Variants in SEMA3D observed in about 807,000 individuals in gnomAD.
SEMA3D encodes the protein semaphorin 3D, also known as semaphorin-3D.
In SEMA3D, 84 loss-of-function variants were observed where a neutral mutation model predicts 100.1. The ratio of observed to expected loss-of-function variants is 0.84; its 90% CI spans 0.70 to 1.01. The LOEUF (loss-of-function observed/expected upper bound fraction) is 1.01. Among genes scored for constraint, SEMA3D ranks in the 50% least tolerant of loss-of-function variants. The probability of loss-of-function intolerance (pLI) is 0.00; values close to 1 mark genes in which losing one functional copy is unlikely to be tolerated. For synonymous variants in SEMA3D, 312 were observed against 320.7 expected (o/e 0.97, Z 0.29); for missense variants, 875 against 934.1 (o/e 0.94, Z 0.82).
At chr7:85,114,098 T>C (rs1789171010) in intron 3 of SEMA3D, among the ~76,000 whole-genome samples, 2 of 152,164 alleles carry the variant, frequency 1.3e-5, no homozygotes, top group South Asian at 2.1e-4. Flanking sequence ...AGTCAATAAG[T>C]TGTCATGAGA....
rs1252904490 is a variant in SEMA3D, at chr7:85,017,226, C to T, written c.1545+1026G>A. ...CCTTCATAATTCAAGCTGTATGTCT[C>T]TTCTTTCAGTTATCTTTCCCTGTTC... On this transcript the variant is annotated intron_variant, in intron 15 of 18. Coordinates refer to ENST00000284136, the MANE Select transcript of SEMA3D (RefSeq NM_001384900.1). Among the ~76,000 whole-genome samples the T allele has an allele frequency of 4.0e-5, 6 of 151,848 alleles. No individual in the cohort carries two copies. The East Asian group carries it at 1.2e-3, about 30-fold the overall frequency.
chr7:85,184,289 C>A (rs1791480065), intron 1 of SEMA3D, among the ~76,000 whole-genome samples: 1 of 152,124 alleles, frequency 6.6e-6, no homozygotes, highest in South Asian at 2.1e-4. Flanking sequence ...TAAAACAGTT[C>A]GTATCTCAGT....
chr7:85,068,330 C>T (rs1434478838), intron 6 of SEMA3D, 46 bp from the exon 7 acceptor site: 2 of 1,024,724 alleles, frequency 2.0e-6, no homozygotes, highest in Non-Finnish European at 3.1e-6. Context: ...AAAAATATTA[C>T]AAACAGTAAG....
chr7:85,147,486 T>C (rs1451111097), intron 2 of SEMA3D, among the ~76,000 whole-genome samples: 5 of 152,218 alleles, frequency 3.3e-5, no homozygotes, highest in Admixed American at 2.6e-4. Flanking sequence ...TTTCTAACTA[T>C]CTGTAAATAT....
intron 15 of SEMA3D, 88 bp from the exon 16 acceptor site, chr7:85,015,304 T>C (rs1351913786): frequency 1.0e-5 from 13 of 1,264,132 alleles, no homozygotes; most frequent in Non-Finnish European, 1.5e-5. Flanking sequence ...ATAATACATA[T>C]AAATCTGTTT....
Position 84,999,179 on chromosome 7 carries a change from A to G in SEMA3D, c.*261T>C. 1 of 464,150 alleles carries G rather than the reference A, an allele frequency of 2.2e-6. No homozygotes were observed. The highest frequency in any genetic ancestry group is 3.8e-6 in the Non-Finnish European group (1 of 261,618). The allele number at this position is 464,150 out of a possible 1,614,324, so 28.8% of individuals were successfully genotyped here. On this transcript the variant is annotated 3_prime_UTR_variant, in exon 19 of 19. Transcript: ENST00000284136. ...GACAATAAATTCCAAAACTCAAAAC[A>G]TAAAACATTTACAACTGTAAACCCC...
chr7:85,080,773 G>A lies in SEMA3D; in HGVS notation c.375+744C>T, dbSNP rs563065408. On this transcript the variant is annotated intron_variant, in intron 5 of 18. Transcript: ENST00000284136. Reference sequence around the variant, plus strand: ...GCCCTCATTGCTGGAGATAAATCAGGTTACATGATTAGAGGGAGCATGCAG... The same window carrying A: ...GCCCTCATTGCTGGAGATAAATCAGATTACATGATTAGAGGGAGCATGCAG... Among the ~76,000 whole-genome samples the A allele has an allele frequency of 2.0e-5, 3 of 152,192 alleles. No homozygotes were observed. The East Asian group carries it at 5.8e-4, about 29-fold the overall frequency.
At chr7:85,159,886 A>G in intron 1 of SEMA3D, 1 of 985,062 alleles carries the variant, frequency 1.0e-6, no homozygotes, top group Non-Finnish European at 1.2e-6. Context: ...GGAAGGAAGC[A>G]AGAAAGATAG....
At chr7:85,056,719 G>C (rs1388392134) in intron 8 of SEMA3D, among the ~76,000 whole-genome samples, 1 of 150,048 alleles carries the variant, frequency 6.7e-6, no homozygotes, top group Non-Finnish European at 1.5e-5. Flanking sequence ...ACAAAAGCCA[G>C]TATTTATGAC....
intron 8 of SEMA3D, among the ~76,000 whole-genome samples, chr7:85,056,696 A>T (rs1791327415): frequency 6.7e-6 from 1 of 150,052 alleles, no homozygotes; most frequent in Non-Finnish European, 1.5e-5. Context: ...CCTCCAAAAC[A>T]ATTTTTTACA....
In SEMA3D at chr7:85,065,406, C is replaced by T. The variant is rs191326315; in HGVS notation, c.718+18G>A. 137 of 1,588,690 alleles carry T rather than the reference C, an allele frequency of 8.6e-5. No individual in the cohort carries two copies. In the East Asian group the frequency reaches 3.0e-3, roughly 35 times the overall value. ...CCAAAGCAAGACAATCAAAAGTAAA[C>T]AAAAAAAAATCACAAACCATTGAGC... On this transcript the variant is annotated intron_variant, in intron 8 of 18. Coordinates refer to ENST00000284136, the MANE Select transcript of SEMA3D (RefSeq NM_001384900.1).
intron 15 of SEMA3D, 60 bp from the exon 16 acceptor site, chr7:85,015,276 C>T (rs1221808722): frequency 6.6e-7 from 1 of 1,521,472 alleles, no homozygotes; most frequent in Admixed American, 1.7e-5. Flanking sequence ...TTAAGAATTT[C>T]CTTTTCTTGA....
chr7:85,015,138 C>A lies in SEMA3D; in HGVS notation c.1624G>T (p.Ala542Ser), dbSNP rs150477530. 13 of 1,611,678 alleles carry A rather than the reference C, an allele frequency of 8.1e-6. No individual in the cohort carries two copies. In the South Asian group the frequency reaches 8.8e-5, roughly 11 times the overall value. ...HRCDTYGKAC[A>S]DCCLARDPYC... ...GGGTCTCTGGCAAGACAACAGTCTG[C>A]GCAAGCTTTCCCATAAGTGTCGCAT... The change falls in exon 16 of 19, where the codon GCA becomes TCA. Residue 542 changes from alanine to serine, a missense_variant. Coordinates refer to ENST00000284136, the MANE Select transcript of SEMA3D (RefSeq NM_001384900.1).
chr7:85,128,929 TAAC>T (rs1789642576), intron 2 of SEMA3D, among the ~76,000 whole-genome samples: 1 of 142,876 alleles, frequency 7.0e-6, no homozygotes. Context: ...TCTCACTCTG[TAAC>T]TGAAGCTAGA....
At chr7:85,100,102 T>C (rs892298086) in intron 3 of SEMA3D, among the ~76,000 whole-genome samples, 3 of 151,974 alleles carry the variant, frequency 2.0e-5, no homozygotes, top group African/African-American at 7.2e-5. Context: ...GAAAATGTAC[T>C]CTGAAAGAGA....
At chr7:85,140,742 G>A in intron 2 of SEMA3D, 1 of 977,796 alleles carries the variant, frequency 1.0e-6, no homozygotes, top group Non-Finnish European at 1.2e-6. Context: ...GGTTTCCCTG[G>A]GGATTGGCCT....
intron 13 of SEMA3D, among the ~76,000 whole-genome samples, chr7:85,022,161 T>C (rs1189414793): frequency 6.6e-6 from 1 of 151,882 alleles, no homozygotes; most frequent in African/African-American, 2.4e-5. Context: ...GAGCATGTAA[T>C]GTAGAGTAGA....
At chr7:85,035,402 A>G (rs1214442133) in intron 12 of SEMA3D, among the ~76,000 whole-genome samples, 1 of 151,884 alleles carries the variant, frequency 6.6e-6, no homozygotes, top group African/African-American at 2.4e-5. Context: ...TTCATCCTTG[A>G]AAAACAAGGA....
At chr7:85,224,539 T>A in the SEMA3D span, among the ~76,000 whole-genome samples, 1 of 152,182 alleles carries the variant, frequency 6.6e-6, no homozygotes, top group Non-Finnish European at 1.5e-5. Flanking sequence ...AAAAAAGTTG[T>A]GTAAAATGAA....
Sources: gnomAD v4.1 joint callset for allele counts (sites outside exome capture counted in the v4.1 genomes callset) on GRCh38, gnomAD v4.1.1 for gene constraint, MANE v1.5 for transcripts, NCBI Gene and HGNC (gene_info 2026-07-23, HGNC 2026-07-21) for gene names.